TDRD15: variants seen among roughly 807,000 people sequenced by gnomAD.
The protein encoded by TDRD15 is tudor domain containing 15.
For missense variants in TDRD15, 1,416 were observed against 904.7 expected (o/e 1.57, Z -7.25); for synonymous variants, 503 against 314.5 (o/e 1.60, Z -6.34).
In TDRD15 at chr2:21,137,578, T is replaced by G; in HGVS notation, c.111T>G (p.Asn37Lys). ...ILVKFQGIKS[N>K]ECEFDYHVLQ... ...TGAAATTTCAAGGCATAAAGAGTAA[T>G]GAATGTGAGTTTGACTACCATGTAT... The change falls in exon 4 of 4, where the codon AAT (asparagine) becomes AAG (lysine). Residue 37 changes from asparagine to lysine, a missense_variant. Transcript: ENST00000405799. 2.8e-6 allele frequency: 2 copies of G among 715,632 alleles called. No homozygotes were observed. The highest frequency in any genetic ancestry group is 5.2e-6 in the Non-Finnish European group (2 of 384,130). 44.3% of individuals were successfully genotyped at this position (715,632 alleles called of 1,614,324 possible). A position where few individuals can be genotyped will look rare whatever the true frequency, so the allele number is the denominator to read the frequency against.
chr2:21,145,395 C>T (rs1356999542), downstream of TDRD15, among the ~76,000 whole-genome samples: 2 of 151,868 alleles, frequency 1.3e-5, no homozygotes, highest in East Asian at 3.9e-4. Context: ...CTTTACTATT[C>T]CCATACCTGT....
At position 21,144,108 on chromosome 2, in the gene TDRD15, G is replaced by A. The variant is rs1276613617; in HGVS notation, c.*836G>A. ...AAATGTCTTTAGGTTTTTTGAGTGT[G>A]CTTCTAGCATATTTCTGAACCAGAT... On this transcript the variant is annotated 3_prime_UTR_variant, in exon 4 of 4. Transcript: ENST00000405799. 6.6e-6 allele frequency among the ~76,000 whole-genome samples: 1 copy of A among 151,556 alleles called. No individual in the cohort carries two copies. The highest frequency in any genetic ancestry group is 1.5e-5 in the Non-Finnish European group (1 of 67,706).
intron 3 of TDRD15, among the ~76,000 whole-genome samples, chr2:21,135,626 T>C (rs1225897189): frequency 6.6e-6 from 1 of 152,060 alleles, no homozygotes; most frequent in Non-Finnish European, 1.5e-5. Context: ...CAATTTCTTC[T>C]TTAGGCAAAG....
At chr2:21,136,238 C>T (rs1665804628) in intron 3 of TDRD15, among the ~76,000 whole-genome samples, 1 of 151,934 alleles carries the variant, frequency 6.6e-6, no homozygotes, top group African/African-American at 2.4e-5. Context: ...ATAATGAAAA[C>T]ATTTAGACTT....
chr2:21,126,012 A>ATGTGTG (rs144032102), intron 1 of TDRD15, among the ~76,000 whole-genome samples: 2 of 149,392 alleles, frequency 1.3e-5, no homozygotes, highest in Non-Finnish European at 3.0e-5. Context: ...GTGTGTGTGT[A>ATGTGTG]TGTGTGTGTG....
Position 21,143,217 on chromosome 2 carries a change from A to T in TDRD15, c.5750A>T (p.Asp1917Val). 1.5e-6 allele frequency: 1 copy of T among 673,266 alleles called. No individual in the cohort carries two copies. The highest frequency in any genetic ancestry group is 2.7e-6 in the Non-Finnish European group (1 of 368,796). The allele number at this position is 673,266 out of a possible 1,614,324, so 41.7% of individuals were successfully genotyped here. A position where few individuals can be genotyped will look rare whatever the true frequency, so the allele number is the denominator to read the frequency against. The change falls in exon 4 of 4, where the codon GAT (aspartate) becomes GTT (valine). Residue 1917 changes from aspartate (D) to valine (V), a missense_variant. Coordinates refer to ENST00000405799, the MANE Select transcript of TDRD15 (RefSeq NM_001306137.2). ...VASGLATYSK[D>V]SPHLDAITAT... ...TCTGGTCTCGCAACTTATTCTAAAG[A>T]TTCACCTCATCTTGATGCAATTACT...
downstream of TDRD15, among the ~76,000 whole-genome samples, chr2:21,145,513 T>G (rs1666016081): frequency 6.6e-6 from 1 of 151,922 alleles, no homozygotes; most frequent in African/African-American, 2.4e-5. Context: ...AGTGAATCAC[T>G]AAGTGAGTTA....
At chr2:21,127,781 T>G (rs1427673431) in intron 2 of TDRD15, 70 bp downstream of exon 2, 1 of 152,226 alleles carries the variant, frequency 6.6e-6, no homozygotes, top group Non-Finnish European at 1.5e-5. Flanking sequence ...ACCGTTCTGT[T>G]CCTTTGCATT....
At chr2:21,126,807 T>C (rs942652689) in intron 1 of TDRD15, among the ~76,000 whole-genome samples, 1 of 152,256 alleles carries the variant, frequency 6.6e-6, no homozygotes, top group Non-Finnish European at 1.5e-5. Flanking sequence ...ACATATACTT[T>C]CATTTATCTT....
chr2:21,130,919 A>G (rs1206660366), intron 2 of TDRD15, among the ~76,000 whole-genome samples: 1 of 152,214 alleles, frequency 6.6e-6, no homozygotes, highest in African/African-American at 2.4e-5. Flanking sequence ...TCTTTTTAAT[A>G]TTCCATGTGG....
At chr2:21,128,112 C>CTGGAACCTA (rs1314739414) in intron 2 of TDRD15, among the ~76,000 whole-genome samples, 2 of 152,052 alleles carry the variant, frequency 1.3e-5, no homozygotes, top group Admixed American at 6.5e-5. Context: ...ATTCTCTTAC[C>CTGGAACCTA]TGGAACCTAT....
chr2:21,140,485 T>C lies in TDRD15; in HGVS notation c.3018T>C (p.Asn1006=), dbSNP rs1665900481. Reference sequence around the variant, plus strand: ...TCACAGAGAGTGTTAACCTCCAAAATTTTCCAAAATATGATTCTAATAAAA... The same window carrying C: ...TCACAGAGAGTGTTAACCTCCAAAACTTTCCAAAATATGATTCTAATAAAA... ...TKITESVNLQ[N]FPKYDSNKMR... is the part of the protein sequence containing the mutation. The change falls in exon 4 of 4, where the codon AAT becomes AAC. Residue 1006 remains asparagine (N), a synonymous_variant. Coordinates refer to ENST00000405799, the MANE Select transcript of TDRD15 (RefSeq NM_001306137.2). 1 of 695,392 alleles carries C rather than the reference T, an allele frequency of 1.4e-6. No individual in the cohort carries two copies. 43.1% of individuals were successfully genotyped at this position (695,392 alleles called of 1,614,324 possible).
intron 2 of TDRD15, among the ~76,000 whole-genome samples, chr2:21,129,808 T>C (rs915086932): frequency 6.6e-6 from 1 of 152,192 alleles, no homozygotes; most frequent in African/African-American, 2.4e-5. Context: ...CTGTTCCTTA[T>C]AGCAATACCT....
rs1316639385 is a variant in TDRD15, at chr2:21,139,150, T to A, written c.1683T>A (p.Ile561=). 9.8e-6 allele frequency: 7 copies of A among 712,018 alleles called. No homozygotes were observed. The highest frequency in any genetic ancestry group is 1.8e-5 in the Non-Finnish European group (7 of 383,242). The allele number at this position is 712,018 out of a possible 1,614,324, so 44.1% of individuals were successfully genotyped here. Residue 561 remains isoleucine (I), a synonymous_variant, in exon 4 of 4, where the codon ATT becomes ATA. Coordinates refer to ENST00000405799, the MANE Select transcript of TDRD15 (RefSeq NM_001306137.2). ...AVITEINGYK[I]NVYFLDYGNT... ...TCACTGAAATTAATGGTTATAAGATTAATGTTTATTTTTTGGATTATGGTA... is the reference window on the plus strand; with the variant it reads ...TCACTGAAATTAATGGTTATAAGATAAATGTTTATTTTTTGGATTATGGTA...
chr2:21,146,513 T>G (rs2103451171), downstream of TDRD15, among the ~76,000 whole-genome samples: 1 of 152,218 alleles, frequency 6.6e-6, no homozygotes, highest in South Asian at 2.1e-4. Flanking sequence ...TAAAATCATG[T>G]TTGCTTGCCC....
intron 2 of TDRD15, among the ~76,000 whole-genome samples, chr2:21,129,864 A>G (rs554645582): frequency 6.6e-6 from 1 of 152,224 alleles, no homozygotes; most frequent in Non-Finnish European, 1.5e-5. Flanking sequence ...TCTTACAGTT[A>G]TGGAGACTGA....
In TDRD15 at chr2:21,142,463, T is replaced by C. The variant is rs1241866577; in HGVS notation, c.4996T>C (p.Phe1666Leu). The change falls in exon 4 of 4, where the codon TTC becomes CTC. Residue 1666 changes from phenylalanine to leucine, a missense_variant. Coordinates refer to ENST00000405799, the MANE Select transcript of TDRD15 (RefSeq NM_001306137.2). ...LFADLEINIL[F>L]LKYLDAVWEV... The stretch of plus-strand genomic sequence containing the variant: ...TGCTGATTTGGAAATAAATATTCTT[T>C]TCCTGAAATATTTAGATGCTGTTTG... 1.1e-5 allele frequency: 8 copies of C among 706,456 alleles called. No homozygotes were observed. The highest frequency in any genetic ancestry group is 1.8e-5 in the African/African-American group (1 of 56,672). The allele number at this position is 706,456 out of a possible 1,614,324, so 43.8% of individuals were successfully genotyped here.
rs1270903100 is a variant in TDRD15, at chr2:21,142,481, G to A, written c.5014G>A (p.Ala1672Thr). Residue 1672 changes from alanine (A) to threonine (T), a missense_variant, in exon 4 of 4, where the codon GCT (alanine) becomes ACT (threonine). By Grantham distance (58) the Ala-to-Thr change is moderately conservative (BLOSUM62 0). Coordinates refer to ENST00000405799, the MANE Select transcript of TDRD15 (RefSeq NM_001306137.2). ...TATTCTTTTCCTGAAATATTTAGAT[G>A]CTGTTTGGGAAGTAGAAATTTTGGT... is the stretch of plus-strand genomic sequence containing the variant. ...INILFLKYLD[A>T]VWEVEILVDD... is the part of the protein sequence containing the mutation. 5 of 704,306 alleles carry A rather than the reference G, an allele frequency of 7.1e-6. No individual in the cohort carries two copies. In the East Asian group the frequency reaches 1.3e-4, roughly 19 times the overall value. 43.6% of individuals were successfully genotyped at this position (704,306 alleles called of 1,614,324 possible).
downstream of TDRD15, among the ~76,000 whole-genome samples, chr2:21,144,606 T>G (rs1380857829): frequency 1.3e-5 from 2 of 151,870 alleles, no homozygotes; most frequent in Non-Finnish European, 2.9e-5. Flanking sequence ...GAGTGCTTAT[T>G]ATGCTTCAGG....
Sources: gnomAD v4.1 joint callset for allele counts (sites outside exome capture counted in the v4.1 genomes callset) on GRCh38, gnomAD v4.1.1 for gene constraint, MANE v1.5 for transcripts, NCBI Gene and HGNC (gene_info 2026-07-23, HGNC 2026-07-21) for gene names.